Variants in ETFDH observed in about 807,000 individuals in gnomAD.
ETFDH encodes electron transfer flavoprotein dehydrogenase.
A neutral mutation model predicts 73.2 loss-of-function variants in ETFDH; 61 were observed. That is an observed-to-expected ratio of 0.83 (90% CI 0.68 to 1.03). The LOEUF (loss-of-function observed/expected upper bound fraction) is 1.03. Ranked by LOEUF, ETFDH falls within the 50% of genes least tolerant of loss-of-function variation. The probability of loss-of-function intolerance (pLI) is 0.00; values close to 1 mark genes in which losing one functional copy is unlikely to be tolerated. For synonymous variants in ETFDH, 243 were observed against 253.3 expected, an observed-to-expected ratio of 0.96 and a Z score of 0.39; for missense variants, 685 against 745.0, an observed-to-expected ratio of 0.92 and a Z score of 0.94.
chr4:158,695,723 C>T, intron 7 of ETFDH, 80 bp downstream of exon 7: 1 of 935,120 alleles, frequency 1.1e-6, no homozygotes, highest in Non-Finnish European at 1.7e-6. Flanking sequence ...GTTTATAATA[C>T]TGATTTAATT....
At position 158,706,103 on chromosome 4, in the gene ETFDH, T is replaced by C; in HGVS notation, c.1286-86T>C. The C allele has an allele frequency of 3.2e-6, 3 of 925,084 alleles. No individual in the cohort carries two copies. In the East Asian group the frequency reaches 7.3e-5, roughly 22 times the overall value. 57.3% of individuals were successfully genotyped at this position (925,084 alleles called of 1,614,324 possible). A position where few individuals can be genotyped will look rare whatever the true frequency, so the allele number is the denominator to read the frequency against. On this transcript the variant is annotated intron_variant, in intron 10 of 12. Transcript: ENST00000511912. Reference sequence around the variant, plus strand: ...CTCGAAAAAAGAAAAACTTCACTCATCAGCTATCAAAGTAGCAAAATACTT... The same window carrying C: ...CTCGAAAAAAGAAAAACTTCACTCACCAGCTATCAAAGTAGCAAAATACTT...
intron 3 of ETFDH, 61 bp downstream of exon 3, chr4:158,682,485 T>C (rs540097365): frequency 1.5e-6 from 2 of 1,314,698 alleles, no homozygotes; most frequent in South Asian, 2.4e-5. Flanking sequence ...CAGTAATTGT[T>C]CCCAAATTAC....
intron 5 of ETFDH, among the ~76,000 whole-genome samples, chr4:158,688,386 G>C (rs1374999490): frequency 1.7e-5 from 1 of 59,034 alleles, no homozygotes; most frequent in Non-Finnish European, 3.5e-5. Context: ...GTGAGACTCT[G>C]TCTCAAAAAA....
rs10672606 is a variant in ETFDH, at chr4:158,690,689, A to AAAG, written c.684+273_684+275dup. Among the ~76,000 whole-genome samples, 147,437 of 151,614 alleles carry AAAG rather than the reference A, an allele frequency of 0.97. 71,764 individuals carry two copies. Among genetic ancestry groups the AAAG allele is most frequent in the East Asian group, 1 (5,152 of 5,152 alleles). ...CAGAGCAAAACCCTGTCTTAAAAAA[A>AAAG]AAGAAGAAGAAAGAACCAACTTTGA... On this transcript the variant is annotated intron_variant, in intron 6 of 12. Transcript: ENST00000511912.
intron 6 of ETFDH, among the ~76,000 whole-genome samples, chr4:158,693,326 C>T (rs1310721639): frequency 6.6e-6 from 1 of 152,098 alleles, no homozygotes; most frequent in Non-Finnish European, 1.5e-5. Context: ...TTCCTATCTC[C>T]AATATGCATC....
At chr4:158,674,526 C>G (rs1325095472) in intron 1 of ETFDH, among the ~76,000 whole-genome samples, 1 of 152,150 alleles carries the variant, frequency 6.6e-6, no homozygotes, top group Non-Finnish European at 1.5e-5. Context: ...GTCTCAAACT[C>G]CTGGCCTCAA....
chr4:158,679,918 A>C (rs991607377), intron 1 of ETFDH: 1 of 151,306 alleles, frequency 6.6e-6, no homozygotes, highest in African/African-American at 2.4e-5. Flanking sequence ...CTAAAAAAAA[A>C]AAACAAAAAT....
intron 1 of ETFDH, among the ~76,000 whole-genome samples, chr4:158,677,907 A>G (rs963893540): frequency 6.6e-6 from 1 of 152,210 alleles, no homozygotes; most frequent in Admixed American, 6.5e-5. Flanking sequence ...TGGTTTACAC[A>G]AGGTCACAAA....
At chr4:158,691,887 A>C (rs1774175060) in intron 6 of ETFDH, among the ~76,000 whole-genome samples, 1 of 152,216 alleles carries the variant, frequency 6.6e-6, no homozygotes, top group South Asian at 2.1e-4. Context: ...ATTCAGGTTT[A>C]TTTATTATCC....
intron 1 of ETFDH, among the ~76,000 whole-genome samples, chr4:158,675,586 G>T (rs1252806539): frequency 6.6e-6 from 1 of 152,048 alleles, no homozygotes; most frequent in Non-Finnish European, 1.5e-5. Context: ...ACACAACCCA[G>T]TGAGACTGCT....
Position 158,706,374 on chromosome 4 carries a change from A to G in ETFDH, c.1468+3A>G, listed in dbSNP as rs1202337616. On this transcript the variant is annotated splice_donor_region_variant and intron_variant, in intron 11 of 12. Transcript: ENST00000511912. ...GCCGTGGACTCTGAAACATAAAGGT[A>G]ATTCAAACAAGAGTATGAGTGACAT... 1.2e-6 allele frequency: 2 copies of G among 1,606,024 alleles called. No homozygotes were observed. Among genetic ancestry groups the G allele is most frequent in the South Asian group, 2.2e-5 (2 of 90,870 alleles).
intron 5 of ETFDH, among the ~76,000 whole-genome samples, chr4:158,688,671 T>TG (rs1407830984): frequency 7.2e-4 from 110 of 151,820 alleles, no homozygotes; most frequent in African/African-American, 2.4e-3. Context: ...AGAGTCCATC[T>TG]CAAAAAAACA....
At chr4:158,690,044 T>C (rs2150308833) in intron 5 of ETFDH, among the ~76,000 whole-genome samples, 2 of 152,290 alleles carry the variant, frequency 1.3e-5, no homozygotes, top group Middle Eastern at 6.8e-3. Context: ...ATTTGACATC[T>C]GAAGGGCACT....
At chr4:158,677,564 A>G (rs531024410) in intron 1 of ETFDH, among the ~76,000 whole-genome samples, 1 of 152,358 alleles carries the variant, frequency 6.6e-6, no homozygotes, top group South Asian at 2.1e-4. Flanking sequence ...ACAGCTTTGC[A>G]GGGCCAATCC....
At position 158,706,500 on chromosome 4, in the gene ETFDH, ATAT is replaced by A. The variant is rs528912400; in HGVS notation, c.1469-123_1469-121del. ...TATAAATTTAGTGTCTAAGAACAGT[ATAT>A]TATTACTTGAGGGCTAGTCATATTT... On this transcript the variant is annotated intron_variant, in intron 11 of 12. Transcript: ENST00000511912. The A allele has an allele frequency of 4.5e-4, 492 of 1,091,472 alleles. 7 individuals carry two copies. In the South Asian group the frequency reaches 5.9e-3, roughly 13 times the overall value. 67.6% of individuals were successfully genotyped at this position (1,091,472 alleles called of 1,614,324 possible). A position where few individuals can be genotyped will look rare whatever the true frequency, so the allele number is the denominator to read the frequency against.
chr4:158,686,889 C>G (rs1380033179), intron 5 of ETFDH, among the ~76,000 whole-genome samples: 1 of 152,102 alleles, frequency 6.6e-6, no homozygotes, highest in Non-Finnish European at 1.5e-5. Flanking sequence ...GGCAGGTTAG[C>G]AGGAGAAAAG....
At position 158,696,782 on chromosome 4, in the gene ETFDH, A is replaced by C. The variant is rs116148399; in HGVS notation, c.832-777A>C. 9.8e-3 allele frequency among the ~76,000 whole-genome samples: 1,494 copies of C among 152,268 alleles called. 9 individuals carry two copies. The highest frequency in any genetic ancestry group is 0.016 in the Non-Finnish European group (1,083 of 68,008). ...TAGAGGGAATAAATTGCTTTGTTGG[A>C]GAATACATGTCCATTATGAAGAGAC... On this transcript the variant is annotated intron_variant, in intron 7 of 12. Coordinates refer to ENST00000511912, the MANE Select transcript of ETFDH (RefSeq NM_004453.4).
intron 3 of ETFDH, among the ~76,000 whole-genome samples, chr4:158,683,724 C>T (rs1023049466): frequency 3.3e-5 from 5 of 152,022 alleles, no homozygotes; most frequent in African/African-American, 7.2e-5. Flanking sequence ...GGATTACAGG[C>T]GTGCACCACC....
Position 158,697,604 on chromosome 4 carries a change from C to G in ETFDH, c.877C>G (p.His293Asp). 1 of 1,611,392 alleles carries G rather than the reference C, an allele frequency of 6.2e-7. No homozygotes were observed. The highest frequency in any genetic ancestry group is 8.5e-7 in the Non-Finnish European group (1 of 1,178,516). ...GAACTGGAAACCTGGGAGAGTAGAT[C>G]ACACTGTTGGTTGGCCCTTGGACAG... ...EKNWKPGRVD[H>D]TVGWPLDRHT... Residue 293 changes from histidine to aspartate, a missense_variant, in exon 8 of 13, where the codon CAC becomes GAC. Around this residue, in one of 3 missense-constraint regions of ETFDH, gnomAD observed 405 missense variants for 399.3 expected, o/e 1.01. Coordinates refer to ENST00000511912, the MANE Select transcript of ETFDH (RefSeq NM_004453.4).
Sources: gnomAD v4.1 joint callset for allele counts (sites outside exome capture counted in the v4.1 genomes callset) on GRCh38, gnomAD v4.1.1 for gene constraint, gnomAD v4.1.1 regional missense constraint, MANE v1.5 for transcripts, NCBI Gene and HGNC (gene_info 2026-07-23, HGNC 2026-07-21) for gene names.